ZNF728: variants seen among roughly 807,000 people sequenced by gnomAD.
ZNF728 encodes the protein zinc finger protein 728.
In ZNF728, 12 loss-of-function variants were observed where a neutral mutation model predicts 12.5. The ratio of observed to expected loss-of-function variants is 0.96; its 90% CI spans 0.61 to 1.55. ZNF728 has a LOEUF of 1.55. ZNF728 is among the 40% of genes most tolerant of loss of function. ZNF728 has a pLI of 0.00. For missense variants in ZNF728, 692 were observed against 719.2 expected (o/e 0.96, Z 0.43); for synonymous variants, 205 against 240.7 (o/e 0.85, Z 1.37).
chr19:22,975,861 GGACCACTTAAAGGCTTT>G lies in ZNF728; in HGVS notation c.1459_1475del (p.Lys487LeufsTer7), dbSNP rs750496312. On this transcript the variant is annotated frameshift_variant, in exon 4 of 4. Coordinates refer to ENST00000594710, the MANE Select transcript of ZNF728 (RefSeq NM_001267716.2). LOFTEE classifies it low-confidence loss of function (END_TRUNC). ...TTCTCTTATGTTCCATAAGGTTTGA[GGACCACTTAAAGGCTTT>G]GCCACATTCTTCACATTTGTAGAGT... is the stretch of plus-strand genomic sequence containing the variant. 1 of 1,612,010 alleles carries G rather than the reference GGACCACTTAAAGGCTTT, an allele frequency of 6.2e-7. No homozygotes were observed. The highest frequency in any genetic ancestry group is 2.2e-5 in the East Asian group (1 of 44,776).
In ZNF728 at chr19:22,997,442, C is replaced by A. The variant is rs534764838; in HGVS notation, c.3+5586G>T. 5.9e-5 allele frequency among the ~76,000 whole-genome samples: 9 copies of A among 152,078 alleles called. No homozygotes were observed. In the South Asian group the frequency reaches 1.9e-3, roughly 32 times the overall value. On this transcript the variant is annotated intron_variant, in intron 1 of 3. Transcript: ENST00000594710. ...TAAATAATGAAATTAAAGCAGAAAC[C>A]AAGAAGTGTTTTGAAACAAATAAGA...
Position 22,976,110 on chromosome 19 carries a change from T to G in ZNF728, c.1227A>C (p.Ser409=), listed in dbSNP as rs1968794506. The stretch of plus-strand genomic sequence containing the variant: ...GAATTATCTTATGTTTAGTAAGTGT[T>G]GAGGACCACTTAAAGGTTTTGCCAC... ...EECGKTFKWS[S]TLTKHKIIHT... The change falls in exon 4 of 4, where the codon TCA becomes TCC. Residue 409 remains serine, a synonymous_variant. Transcript: ENST00000594710. The G allele has an allele frequency of 5.0e-6, 8 of 1,613,086 alleles. No individual in the cohort carries two copies. The highest frequency in any genetic ancestry group is 1.7e-4 in the Middle Eastern group (1 of 6,060).
At chr19:22,985,298 G>T (rs1968904417) in intron 3 of ZNF728, among the ~76,000 whole-genome samples, 1 of 152,172 alleles carries the variant, frequency 6.6e-6, no homozygotes, top group East Asian at 1.9e-4. Flanking sequence ...ACCCCCAACA[G>T]CAAGAAAGTC....
Position 22,976,016 on chromosome 19 carries a change from T to C in ZNF728, c.1321A>G (p.Lys441Glu). ...KAFTTFSSLT[K>E]HKVIHTGEKH... ...TCTCCAGTATGAATTACTTTATGTT[T>C]AGTAAGGCTCGAAAATGTAGTAAAG... The change falls in exon 4 of 4, where the codon AAA (lysine) becomes GAA (glutamate). Residue 441 changes from lysine to glutamate, a missense_variant. This residue lies in a region of ZNF728 where 244 missense variants were observed against 235.2 expected (regional missense o/e 1.04). Coordinates refer to ENST00000594710, the MANE Select transcript of ZNF728 (RefSeq NM_001267716.2). 1.3e-6 allele frequency: 2 copies of C among 1,590,210 alleles called. No homozygotes were observed. Among genetic ancestry groups the C allele is most frequent in the Non-Finnish European group, 1.7e-6 (2 of 1,164,982 alleles).
Position 22,987,356 on chromosome 19 carries a change from T to C in ZNF728, c.178A>G (p.Lys60Glu). 3.1e-6 allele frequency: 5 copies of C among 1,612,566 alleles called. No individual in the cohort carries two copies. The highest frequency in any genetic ancestry group is 4.2e-6 in the Non-Finnish European group (5 of 1,179,302). ...PDLIIFLEQGKEPWNMKRHEL... is the reference protein window; with the variant it reads ...PDLIIFLEQGEEPWNMKRHEL... ...TGTCTCTTCATATTCCAGGGCTCTT[T>C]TCCTTGCTCCAGAAAAATGATCAGG... Residue 60 changes from lysine (K) to glutamate (E), a missense_variant, in exon 3 of 4, where the codon AAA (lysine) becomes GAA (glutamate). Physicochemically the swap from Lys to Glu is moderately conservative, Grantham distance 56 (BLOSUM62 1). Around this residue, in one of 3 missense-constraint regions of ZNF728, gnomAD observed 440 missense variants for 459.6 expected, o/e 0.96. Coordinates refer to ENST00000594710, the MANE Select transcript of ZNF728 (RefSeq NM_001267716.2).
In ZNF728 at chr19:22,976,391, C is replaced by T; in HGVS notation, c.946G>A (p.Glu316Lys). The change falls in exon 4 of 4, where the codon GAA (glutamate) becomes AAA (lysine). Residue 316 changes from glutamate (E) to lysine (K), a missense_variant. Glu to Lys is a moderately conservative substitution (Grantham distance 56, BLOSUM62 1). Coordinates refer to ENST00000594710, the MANE Select transcript of ZNF728 (RefSeq NM_001267716.2). ...HAGEKPYKCE[E>K]CGKAFNRSSN... The stretch of plus-strand genomic sequence containing the variant: ...GACCGGTTGAAAGCTTTGCCACATT[C>T]TTCACATTTGTAGGGTTTCTCTCCA... 16 of 1,613,310 alleles carry T rather than the reference C, an allele frequency of 9.9e-6. No homozygotes were observed. Among genetic ancestry groups the T allele is most frequent in the Non-Finnish European group, 1.3e-5 (15 of 1,179,940 alleles).
Position 22,975,984 on chromosome 19 carries a change from G to T in ZNF728, c.1353C>A (p.His451Gln). Residue 451 changes from histidine to glutamine, a missense_variant, in exon 4 of 4, where the codon CAC becomes CAA. Around this residue, in one of 3 missense-constraint regions of ZNF728, gnomAD observed 244 missense variants for 235.2 expected, o/e 1.04. Coordinates refer to ENST00000594710, the MANE Select transcript of ZNF728 (RefSeq NM_001267716.2). ...CTTTGCCACATTCTTCACATTTGTA[G>T]TGTTTCTCTCCAGTATGAATTACTT... ...KHKVIHTGEK[H>Q]YKCEECGKVF... The T allele has an allele frequency of 6.2e-7, 1 of 1,611,952 alleles. No homozygotes were observed. The highest frequency in any genetic ancestry group is 1.3e-5 in the African/African-American group (1 of 74,590).
intron 1 of ZNF728, among the ~76,000 whole-genome samples, chr19:22,999,652 T>C (rs909158953): frequency 2.6e-5 from 4 of 152,156 alleles, no homozygotes; most frequent in African/African-American, 9.7e-5. Flanking sequence ...TTCAAAAACA[T>C]ATAAGAAAAT....
intron 1 of ZNF728, among the ~76,000 whole-genome samples, chr19:22,992,550 T>C (rs1293815820): frequency 7.6e-6 from 1 of 130,818 alleles, no homozygotes; most frequent in Non-Finnish European, 1.5e-5. Flanking sequence ...ACCTGCTTCA[T>C]CTATTTTTTT....
In ZNF728 at chr19:22,988,319, T is replaced by G. The variant is rs757427380; in HGVS notation, c.130+6A>C. On this transcript the variant is annotated splice_donor_region_variant and intron_variant, in intron 2 of 3. Transcript: ENST00000594710. ...ACTAGGAATTGCGTATTAAAGTTAT[T>G]CTCACCCAGGAAGACCAGGTTTCTG... is the stretch of plus-strand genomic sequence containing the variant. The G allele has an allele frequency of 4.3e-6, 7 of 1,613,992 alleles. No homozygotes were observed. The Middle Eastern group carries it at 6.6e-4, about 152-fold the overall frequency.
chr19:22,975,665 G>A lies in ZNF728; in HGVS notation c.1672C>T (p.His558Tyr), dbSNP rs1383331033. Residue 558 changes from histidine to tyrosine, a missense_variant, in exon 4 of 4, where the codon CAT (histidine) becomes TAT (tyrosine). His to Tyr is a moderately conservative substitution (Grantham distance 83). Transcript: ENST00000594710. ...CATTTGTAGGGTTTCTCTCCAGTAT[G>A]AATTCTCTTATGTTCACTAAGTCTT... ...SSRLSEHKRI[H>Y]TGEKPYKCEE... 6.2e-7 allele frequency: 1 copy of A among 1,612,026 alleles called. No individual in the cohort carries two copies.
chr19:22,981,414 G>A (rs564789215), intron 3 of ZNF728, among the ~76,000 whole-genome samples: 2 of 152,148 alleles, frequency 1.3e-5, no homozygotes, highest in African/African-American at 4.8e-5. Flanking sequence ...AAATGTCCAG[G>A]ACCTGATGGA....
intron 1 of ZNF728, among the ~76,000 whole-genome samples, chr19:22,998,763 A>G (rs182560626): frequency 7.2e-5 from 11 of 152,356 alleles, no homozygotes; most frequent in Non-Finnish European, 1.6e-4. Context: ...GATAATAAAT[A>G]GCTGTGATTA....
intron 1 of ZNF728, among the ~76,000 whole-genome samples, chr19:22,994,027 G>A (rs1039035483): frequency 6.6e-6 from 1 of 152,158 alleles, no homozygotes; most frequent in African/African-American, 2.4e-5. Flanking sequence ...GAGGGAGGGA[G>A]AAGTGGATTC....
intron 1 of ZNF728, among the ~76,000 whole-genome samples, chr19:22,997,750 A>G (rs1459044403): frequency 6.6e-6 from 1 of 152,050 alleles, no homozygotes; most frequent in Non-Finnish European, 1.5e-5. Flanking sequence ...AAAGGAAATA[A>G]ACTACTAGCT....
At chr19:22,979,193 C>A (rs1261537266) in intron 3 of ZNF728, among the ~76,000 whole-genome samples, 1 of 152,130 alleles carries the variant, frequency 6.6e-6, no homozygotes, top group Non-Finnish European at 1.5e-5. Flanking sequence ...ATGAAAAACA[C>A]AGCATGAGAA....
chr19:22,976,594 AC>A lies in ZNF728; in HGVS notation c.742del (p.Val248Ter). The A allele has an allele frequency of 6.2e-7, 1 of 1,609,274 alleles. No individual in the cohort carries two copies. The highest frequency in any genetic ancestry group is 8.5e-7 in the Non-Finnish European group (1 of 1,178,140). On this transcript the variant is annotated frameshift_variant, in exon 4 of 4. Coordinates refer to ENST00000594710, the MANE Select transcript of ZNF728 (RefSeq NM_001267716.2). LOFTEE classifies it low-confidence loss of function (END_TRUNC). ...GTAATGTTTCTCTCCAGTATGAATT[AC>A]CTTATGCTTAGTAAGGATTGAGAAC... ...SKFSILTKHK[V>X]IHTGEKHYKC... is the part of the protein sequence containing the mutation.
intron 3 of ZNF728, among the ~76,000 whole-genome samples, chr19:22,981,059 C>A (rs576402280): frequency 6.6e-6 from 1 of 150,736 alleles, no homozygotes; most frequent in Non-Finnish European, 1.5e-5. Flanking sequence ...ACACAAAATA[C>A]CCTTCAAAAA....
intron 3 of ZNF728, among the ~76,000 whole-genome samples, chr19:22,983,570 A>G (rs1968883195): frequency 6.6e-6 from 1 of 152,220 alleles, no homozygotes; most frequent in Non-Finnish European, 1.5e-5. Context: ...CGTTTATTGC[A>G]GCACTATTCA....
Sources: allele counts gnomAD v4.1 joint callset (sites outside exome capture counted in the v4.1 genomes callset), GRCh38; gene constraint gnomAD v4.1.1; regional missense constraint gnomAD v4.1.1; transcripts MANE v1.5; gene names NCBI Gene and HGNC (gene_info 2026-07-23, HGNC 2026-07-21).